KDELR3: variants seen among roughly 807,000 people sequenced by gnomAD.
KDELR3 encodes ER lumen protein-retaining receptor 3.
Under a neutral mutation model 22.7 loss-of-function variants are expected in KDELR3, and 26 were observed. The ratio of observed to expected loss-of-function variants is 1.15; its 90% CI spans 0.84 to 1.59. The LOEUF (loss-of-function observed/expected upper bound fraction) is 1.59, where lower values mean the gene tolerates loss of function less well. Ranked by LOEUF, KDELR3 falls within the 40% of genes most tolerant of loss-of-function variation. The pLI is 0.00. For missense variants in KDELR3, 289 were observed against 251.1 expected (o/e 1.15, Z -1.02); for synonymous variants, 120 against 98.2 (o/e 1.22, Z -1.31).
Position 38,470,126 on chromosome 22 carries a change from C to G in KDELR3, c.91+1802C>G, listed in dbSNP as rs867374375. 5.0e-3 allele frequency among the ~76,000 whole-genome samples: 608 copies of G among 120,564 alleles called. 6 individuals are homozygous for G. Among genetic ancestry groups the G allele is most frequent in the African/African-American group, 0.018 (576 of 32,586 alleles). The allele number at this position is 120,564 out of a possible 152,430, so 79.1% of individuals were successfully genotyped here. A position where few individuals can be genotyped will look rare whatever the true frequency, so the allele number is the denominator to read the frequency against. Reference sequence around the variant, plus strand: ...TAGGCGTGGGCCACTGCGCCCACTTCTTTTTTTTTTTTTTTGAGACAGAGT... The same window carrying G: ...TAGGCGTGGGCCACTGCGCCCACTTGTTTTTTTTTTTTTTTGAGACAGAGT... On this transcript the variant is annotated intron_variant, in intron 1 of 4. Transcript: ENST00000216014.
chr22:38,479,303 A>G (rs2089581908), intron 2 of KDELR3, among the ~76,000 whole-genome samples: 1 of 152,224 alleles, frequency 6.6e-6, no homozygotes, highest in Non-Finnish European at 1.5e-5. Context: ...CCCCTGAAAT[A>G]GACCAATCCT....
intron 2 of KDELR3, among the ~76,000 whole-genome samples, chr22:38,478,170 T>C (rs1232308507): frequency 3.3e-5 from 5 of 149,976 alleles, no homozygotes; most frequent in Admixed American, 2.6e-4. Context: ...TAACTCCAAA[T>C]AGGAGTACAA....
At chr22:38,478,268 GGGCTCGGT>G (rs2089573281) in intron 2 of KDELR3, among the ~76,000 whole-genome samples, 1 of 152,106 alleles carries the variant, frequency 6.6e-6, no homozygotes, top group South Asian at 2.1e-4. Flanking sequence ...TTTTAAGGCT[GGGCTCGGT>G]GGCTCATGCC....
intron 4 of KDELR3, 29 bp downstream of exon 4, chr22:38,481,493 C>T: frequency 1.2e-6 from 2 of 1,614,076 alleles, no homozygotes; most frequent in Non-Finnish European, 1.7e-6. Context: ...GCAATGCTGA[C>T]ACTGGCCTAA....
chr22:38,477,021 C>T (rs1241825869), intron 2 of KDELR3, among the ~76,000 whole-genome samples: 1 of 151,248 alleles, frequency 6.6e-6, no homozygotes, highest in East Asian at 1.9e-4. Context: ...GAGATTCTGC[C>T]TCAGCCTCCC....
At chr22:38,474,058 C>T (rs1484132199) in intron 1 of KDELR3, among the ~76,000 whole-genome samples, 1 of 152,192 alleles carries the variant, frequency 6.6e-6, no homozygotes, top group African/African-American at 2.4e-5. Flanking sequence ...TGGCCCTGAA[C>T]CTTCCTCTGC....
rs1446693512 is a variant in KDELR3, at chr22:38,482,587, T to C, written c.*51T>C. Reference sequence around the variant, plus strand: ...TAACAAGCACATGAAGGAAACTATTTTGAATGTTCTCTTTGGCAACTTATC... The same window carrying C: ...TAACAAGCACATGAAGGAAACTATTCTGAATGTTCTCTTTGGCAACTTATC... On this transcript the variant is annotated 3_prime_UTR_variant, in exon 5 of 5. Coordinates refer to ENST00000216014, the MANE Select transcript of KDELR3 (RefSeq NM_006855.4). The C allele has an allele frequency of 2.7e-6, 4 of 1,467,402 alleles. No individual in the cohort carries two copies. The highest frequency in any genetic ancestry group is 2.3e-5 in the East Asian group (1 of 44,138). The allele number at this position is 1,467,402 out of a possible 1,614,324, so 90.9% of individuals were successfully genotyped here.
intron 1 of KDELR3, among the ~76,000 whole-genome samples, chr22:38,470,970 C>T (rs1013538179): frequency 1.3e-5 from 2 of 152,096 alleles, no homozygotes; most frequent in African/African-American, 2.4e-5. Context: ...GGCGAAACCC[C>T]GTCTCCACTA....
chr22:38,478,909 C>G (rs944643732), intron 2 of KDELR3, among the ~76,000 whole-genome samples: 2 of 151,856 alleles, frequency 1.3e-5, no homozygotes, highest in African/African-American at 4.8e-5. Flanking sequence ...TCCCAAGGTG[C>G]TGGGATTACA....
Position 38,482,881 on chromosome 22 carries a change from TG to T in KDELR3, c.*347del, listed in dbSNP as rs1337719326. ...CATGATGAGCAAGTCAACCCCAATCTGGAACAATGTCCCTCCTCTTAGAATG... is the reference window on the plus strand; with the variant it reads ...CATGATGAGCAAGTCAACCCCAATCTGAACAATGTCCCTCCTCTTAGAATG... On this transcript the variant is annotated 3_prime_UTR_variant, in exon 5 of 5. Coordinates refer to ENST00000216014, the MANE Select transcript of KDELR3 (RefSeq NM_006855.4). 4 of 266,760 alleles carry T rather than the reference TG, an allele frequency of 1.5e-5. No individual in the cohort carries two copies. The highest frequency in any genetic ancestry group is 6.6e-5 in the African/African-American group (3 of 45,322). The allele number at this position is 266,760 out of a possible 1,614,324, so 16.5% of individuals were successfully genotyped here.
chr22:38,480,965 A>T (rs989152715), intron 3 of KDELR3, among the ~76,000 whole-genome samples: 1 of 152,108 alleles, frequency 6.6e-6, no homozygotes, highest in Non-Finnish European at 1.5e-5. Flanking sequence ...TTTTCTATAT[A>T]AATGCTCACG....
At chr22:38,477,439 G>A (rs1269572801) in intron 2 of KDELR3, among the ~76,000 whole-genome samples, 2 of 151,936 alleles carry the variant, frequency 1.3e-5, no homozygotes, top group African/African-American at 2.4e-5. Context: ...TCCTGACCTC[G>A]TGATCCACCC....
intron 1 of KDELR3, 32 bp downstream of exon 1, chr22:38,468,356 C>A (rs1159810306): frequency 2.5e-6 from 4 of 1,600,604 alleles, no homozygotes; most frequent in Non-Finnish European, 3.4e-6. Context: ...GGTGCGGGAC[C>A]CCCTCTCTGG....
At chr22:38,474,342 G>GA in intron 1 of KDELR3, 181 bp from the exon 2 acceptor site, 1 of 561,364 alleles carries the variant, frequency 1.8e-6, no homozygotes. Context: ...GACGACTCAA[G>GA]TGATCCGATG....
chr22:38,479,487 C>T lies in KDELR3; in HGVS notation c.193-106C>T. On this transcript the variant is annotated intron_variant, in intron 2 of 4. Transcript: ENST00000216014. ...AAACACATTTAACCTCTTCATGTTA[C>T]ATTATGGCAGAACACTGACCCTTAG... 2.8e-6 allele frequency: 3 copies of T among 1,057,852 alleles called. No individual in the cohort carries two copies. The South Asian group carries it at 4.4e-5, about 16-fold the overall frequency. 65.5% of individuals were successfully genotyped at this position (1,057,852 alleles called of 1,614,324 possible). A position where few individuals can be genotyped will look rare whatever the true frequency, so the allele number is the denominator to read the frequency against.
intron 1 of KDELR3, among the ~76,000 whole-genome samples, chr22:38,473,752 C>G (rs1181944193): frequency 2.0e-5 from 3 of 152,120 alleles, no homozygotes; most frequent in African/African-American, 7.2e-5. Flanking sequence ...GCGGGCAGAT[C>G]ACTTGAAGTC....
intron 1 of KDELR3, 29 bp downstream of exon 1, chr22:38,468,353 G>T (rs761722051): frequency 1.2e-6 from 2 of 1,603,576 alleles, no homozygotes; most frequent in East Asian, 4.5e-5. Context: ...GGAGGTGCGG[G>T]ACCCCCTCTC....
rs890536760 is a variant in KDELR3 at position 38,481,363 on chromosome 22, G to T, written c.503G>T (p.Arg168Met). The T allele has an allele frequency of 3.7e-6, 6 of 1,614,212 alleles. No homozygotes were observed. Among genetic ancestry groups the T allele is most frequent in the East Asian group, 4.5e-5 (2 of 44,876 alleles). ...GCACTCTACCTGGCTAACTGGATCA[G>T]GCGGTACCAGACTGAGAATTTCTAT... Reference protein sequence around the residue: ...YRALYLANWIRRYQTENFYDQ... With the variant: ...YRALYLANWIMRYQTENFYDQ... Residue 168 changes from arginine (R) to methionine (M), a missense_variant, in exon 4 of 5, where the codon AGG becomes ATG. Transcript: ENST00000216014.
chr22:38,478,111 G>A (rs1008458575), intron 2 of KDELR3, among the ~76,000 whole-genome samples: 15 of 150,958 alleles, frequency 9.9e-5, no homozygotes, highest in African/African-American at 3.5e-4. Flanking sequence ...GAGCTATGGC[G>A]ACAGAATGTG....
Sources: allele counts gnomAD v4.1 joint callset (sites outside exome capture counted in the v4.1 genomes callset), GRCh38; gene constraint gnomAD v4.1.1; transcripts MANE v1.5; gene names NCBI Gene and HGNC (gene_info 2026-07-23, HGNC 2026-07-21).